CRYBG1: variants seen among roughly 807,000 people sequenced by gnomAD.
CRYBG1 encodes beta/gamma crystallin domain-containing protein 1.
In CRYBG1, 139 loss-of-function variants were observed where a neutral mutation model predicts 189.2. That is an observed-to-expected ratio of 0.73 (90% CI 0.64 to 0.85). CRYBG1 has a LOEUF of 0.85. Among genes scored for constraint, CRYBG1 ranks in the 40% least tolerant of loss-of-function variants. The pLI is 0.00. For synonymous variants in CRYBG1, 1,023 were observed against 1,017.1 expected (o/e 1.01, Z -0.11); for missense variants, 2,611 against 2,675.8 (o/e 0.98, Z 0.53).
intron 1 of CRYBG1, among the ~76,000 whole-genome samples, chr6:106,433,736 C>CAT (rs57644173): frequency 0.033 from 910 of 27,652 alleles, 41 homozygotes; most frequent in African/African-American, 0.073. Flanking sequence ...TATATATATA[C>CAT]ATATATATGT....
At chr6:106,506,778 TTATAAA>T (rs1465987735) in intron 2 of CRYBG1, among the ~76,000 whole-genome samples, 6 of 152,042 alleles carry the variant, frequency 3.9e-5, no homozygotes, top group African/African-American at 1.5e-4. Context: ...TATAAACAGA[TTATAAA>T]CATAAAACAA....
intron 8 of CRYBG1, 109 bp downstream of exon 8, chr6:106,530,424 A>G: frequency 1.9e-6 from 2 of 1,064,152 alleles, no homozygotes. Flanking sequence ...CTGTTAAGTA[A>G]TTATTAACTG....
intron 1 of CRYBG1, among the ~76,000 whole-genome samples, chr6:106,367,799 C>CA (rs68107811): frequency 0.011 from 1,571 of 136,960 alleles, 24 homozygotes; most frequent in African/African-American, 0.036. Context: ...CCTGCTTATC[C>CA]AAAAAAAAAA....
intron 1 of CRYBG1, among the ~76,000 whole-genome samples, chr6:106,408,309 C>A (rs1309329038): frequency 2.0e-5 from 3 of 152,076 alleles, no homozygotes; most frequent in Non-Finnish European, 4.4e-5. Flanking sequence ...AACACACTAC[C>A]AAGACTAAAC....
At chr6:106,540,903 T>C (rs73522968) in intron 9 of CRYBG1, among the ~76,000 whole-genome samples, 102 of 152,328 alleles carry the variant, frequency 6.7e-4, no homozygotes, top group African/African-American at 2.4e-3. Flanking sequence ...TTTAATGTAA[T>C]ACCATTTCTC....
intron 1 of CRYBG1, among the ~76,000 whole-genome samples, chr6:106,444,845 G>T (rs1771634559): frequency 6.6e-6 from 1 of 152,142 alleles, no homozygotes. Flanking sequence ...CCTTCAGGCT[G>T]CCATTTTGAA....
chr6:106,518,984 C>CACACACACACACAA, intron 3 of CRYBG1, 147 bp from the exon 4 acceptor site: 1 of 466,384 alleles, frequency 2.1e-6, no homozygotes, highest in Non-Finnish European at 3.4e-6. Context: ...CGCACACACA[C>CACACACACACACAA]ACACACATAC....
chr6:106,367,049 G>A (rs1252383961), intron 1 of CRYBG1, among the ~76,000 whole-genome samples: 1 of 151,982 alleles, frequency 6.6e-6, no homozygotes, highest in African/African-American at 2.4e-5. Flanking sequence ...GGAAGCCAAG[G>A]CTAAACTTTC....
chr6:106,520,657 A>G lies in CRYBG1; in HGVS notation c.3449A>G (p.Lys1150Arg). 6.2e-7 allele frequency: 1 copy of G among 1,614,170 alleles called. No homozygotes were observed. Among genetic ancestry groups the G allele is most frequent in the Non-Finnish European group, 8.5e-7 (1 of 1,180,034 alleles). ...MPPIHEDHLE[K>R]VFDPKVFTFG... ...CCTATTCACGAAGACCATTTAGAAA[A>G]GGTGTTTGATCCCAAAGTGTTTACC... is the stretch of plus-strand genomic sequence containing the variant. The change falls in exon 4 of 22, where the codon AAG becomes AGG. Residue 1150 changes from lysine (K) to arginine (R), a missense_variant. Lys to Arg is a conservative substitution (Grantham distance 26, BLOSUM62 2). This residue lies in a region of CRYBG1 where 1,622 missense variants were observed against 1,735.0 expected (regional missense o/e 0.93). Transcript: ENST00000633556.
intron 1 of CRYBG1, among the ~76,000 whole-genome samples, chr6:106,437,455 A>C (rs895471838): frequency 1.3e-5 from 2 of 151,834 alleles, no homozygotes; most frequent in Non-Finnish European, 2.9e-5. Context: ...TTTTTAAGAG[A>C]TAGCATCTCA....
rs1773266263 is a variant in CRYBG1, at chr6:106,511,827, C to T, written c.710C>T (p.Pro237Leu). The change falls in exon 3 of 22, where the codon CCT becomes CTT. Residue 237 changes from proline (P) to leucine (L), a missense_variant. This residue lies in a region of CRYBG1 where 985 missense variants were observed against 924.4 expected (regional missense o/e 1.07). Coordinates refer to ENST00000633556, the MANE Select transcript of CRYBG1 (RefSeq NM_001371242.2). ...CHENDSPQLE[P>L]LEAEGEPFPD... is the part of the protein sequence containing the mutation. ...GAAAATGATTCACCCCAATTAGAACCTCTGGAGGCAGAGGGAGAGCCTTTC... is the reference window on the plus strand; with the variant it reads ...GAAAATGATTCACCCCAATTAGAACTTCTGGAGGCAGAGGGAGAGCCTTTC... The T allele has an allele frequency of 6.6e-7, 1 of 1,518,822 alleles. No individual in the cohort carries two copies. The highest frequency in any genetic ancestry group is 8.8e-7 in the Non-Finnish European group (1 of 1,135,906). 94.1% of individuals were successfully genotyped at this position (1,518,822 alleles called of 1,614,324 possible).
At chr6:106,365,790 A>G (rs1263634255) in intron 1 of CRYBG1, among the ~76,000 whole-genome samples, 1 of 151,844 alleles carries the variant, frequency 6.6e-6, no homozygotes, top group Non-Finnish European at 1.5e-5. Flanking sequence ...AAATTCAAGC[A>G]GTAGATGGGT....
Position 106,511,630 on chromosome 6 carries a change from G to C in CRYBG1, c.513G>C (p.Gln171His). ...GAGAGAGTGAGAGGAGCAGATCTCA[G>C]AGCAGCCAACTGAAGCAAACGGACA... Reference protein sequence around the residue: ...PERESERSRSQSSQLKQTDTS... With the variant: ...PERESERSRSHSSQLKQTDTS... The change falls in exon 3 of 22, where the codon CAG becomes CAC. Residue 171 changes from glutamine to histidine, a missense_variant. By Grantham distance (24) the Gln-to-His change is conservative. Coordinates refer to ENST00000633556, the MANE Select transcript of CRYBG1 (RefSeq NM_001371242.2). The C allele has an allele frequency of 6.5e-7, 1 of 1,535,786 alleles. No homozygotes were observed. Among genetic ancestry groups the C allele is most frequent in the Non-Finnish European group, 8.7e-7 (1 of 1,146,634 alleles).
Position 106,520,123 on chromosome 6 carries a change from C to T in CRYBG1, c.2915C>T (p.Ser972Phe), listed in dbSNP as rs751212250. ...LPVESTQDVS[S>F]QVIPESSEVR... ...GTGGAGAGCACCCAGGATGTGAGCTCCCAGGTCATCCCAGAGAGCTCTGAA... is the reference window on the plus strand; with the variant it reads ...GTGGAGAGCACCCAGGATGTGAGCTTCCAGGTCATCCCAGAGAGCTCTGAA... Residue 972 changes from serine to phenylalanine, a missense_variant, in exon 4 of 22, where the codon TCC becomes TTC. Physicochemically the swap from Ser to Phe is radical, Grantham distance 155 (BLOSUM62 -2). This residue lies in a region of CRYBG1 where 1,622 missense variants were observed against 1,735.0 expected (regional missense o/e 0.93). Transcript: ENST00000633556. 2 of 1,614,090 alleles carry T rather than the reference C, an allele frequency of 1.2e-6. No individual in the cohort carries two copies. Among genetic ancestry groups the T allele is most frequent in the South Asian group, 1.1e-5 (1 of 91,078 alleles).
chr6:106,567,338 A>G (rs892808578), intron 21 of CRYBG1, among the ~76,000 whole-genome samples: 5 of 152,170 alleles, frequency 3.3e-5, no homozygotes, highest in African/African-American at 4.8e-5. Flanking sequence ...CTTGTATTCT[A>G]TAGTACATCT....
intron 2 of CRYBG1, among the ~76,000 whole-genome samples, chr6:106,455,659 A>G (rs1771871996): frequency 6.6e-6 from 1 of 152,198 alleles, no homozygotes; most frequent in African/African-American, 2.4e-5. Flanking sequence ...ATATGTGACT[A>G]TAGTGATTAT....
At chr6:106,439,544 G>A (rs78622114) in intron 1 of CRYBG1, among the ~76,000 whole-genome samples, 2,698 of 152,240 alleles carry the variant, frequency 0.018, 82 homozygotes, top group African/African-American at 0.062. Context: ...TCTCCTGTGA[G>A]CAGAGATTGT....
intron 2 of CRYBG1, among the ~76,000 whole-genome samples, chr6:106,507,716 G>A (rs1411732269): frequency 6.6e-6 from 1 of 152,126 alleles, no homozygotes; most frequent in African/African-American, 2.4e-5. Flanking sequence ...CCTGAACAAT[G>A]GAAAGAAACA....
Position 106,511,940 on chromosome 6 carries a change from C to A in CRYBG1, c.823C>A (p.Pro275Thr), listed in dbSNP as rs1773270833. The A allele has an allele frequency of 2.6e-6, 4 of 1,526,842 alleles. No homozygotes were observed. Among genetic ancestry groups the A allele is most frequent in the Non-Finnish European group, 3.5e-6 (4 of 1,141,308 alleles). The allele number at this position is 1,526,842 out of a possible 1,614,324, so 94.6% of individuals were successfully genotyped here. The change falls in exon 3 of 22, where the codon CCG (proline) becomes ACG (threonine). Residue 275 changes from proline to threonine, a missense_variant. Pro to Thr is a conservative substitution (Grantham distance 38). Coordinates refer to ENST00000633556, the MANE Select transcript of CRYBG1 (RefSeq NM_001371242.2). ...QENAETPARS[P>T]GEDASPGAGH... is the part of the protein sequence containing the mutation. The stretch of plus-strand genomic sequence containing the variant: ...GAACGCAGAGACGCCCGCCCGCAGT[C>A]CGGGGGAGGACGCTTCACCAGGTGC...
Sources: gnomAD v4.1 joint callset for allele counts (sites outside exome capture counted in the v4.1 genomes callset) on GRCh38, gnomAD v4.1.1 for gene constraint, gnomAD v4.1.1 regional missense constraint, MANE v1.5 for transcripts, NCBI Gene and HGNC (gene_info 2026-07-23, HGNC 2026-07-21) for gene names.